DCDC1: variants seen among roughly 807,000 people sequenced by gnomAD.
DCDC1 encodes doublecortin domain containing 1, also known as doublecortin domain-containing protein 1.
In DCDC1, 200 loss-of-function variants were observed where a neutral mutation model predicts 178.3. That is an observed-to-expected ratio of 1.12 (90% CI 1.00 to 1.26). DCDC1 has a LOEUF of 1.26. Ranked by LOEUF, DCDC1 falls within the 50% of genes most tolerant of loss-of-function variation. The pLI, the probability that DCDC1 is intolerant of heterozygous loss-of-function variation, is 0.00. For missense variants in DCDC1, 1,983 were observed against 1,749.2 expected (o/e 1.13, Z -2.38); for synonymous variants, 690 against 604.8 (o/e 1.14, Z -2.07).
intron 21 of DCDC1, among the ~76,000 whole-genome samples, chr11:30,950,983 A>G (rs1374986562): frequency 6.6e-6 from 1 of 152,146 alleles, no homozygotes; most frequent in Non-Finnish European, 1.5e-5. Context: ...CTCATAAATT[A>G]TGTATAAATA....
At position 30,978,464 on chromosome 11, in the gene DCDC1, A is replaced by T. The variant is rs1025063739; in HGVS notation, c.2592-25896T>A. Reference sequence around the variant, plus strand: ...TGAAGTAAAGTTTCTCTTTTTATTGATATGTAATATTTGTACATCTTTTTT... The same window carrying T: ...TGAAGTAAAGTTTCTCTTTTTATTGTTATGTAATATTTGTACATCTTTTTT... On this transcript the variant is annotated intron_variant, in intron 20 of 38. Transcript: ENST00000684477. 4.6e-5 allele frequency among the ~76,000 whole-genome samples: 7 copies of T among 152,160 alleles called. No individual in the cohort carries two copies. In the South Asian group the frequency reaches 1.2e-3, roughly 27 times the overall value.
At chr11:31,332,797 C>G (rs1565622428) in intron 2 of DCDC1, among the ~76,000 whole-genome samples, 1 of 152,128 alleles carries the variant, frequency 6.6e-6, no homozygotes, top group Non-Finnish European at 1.5e-5. Flanking sequence ...CTTTTAACTT[C>G]CAACTATGTG....
chr11:31,022,392 C>A (rs1407259), intron 20 of DCDC1, among the ~76,000 whole-genome samples: 43,298 of 151,914 alleles, frequency 0.29, 7,300 homozygotes, highest in Non-Finnish European at 0.37. Flanking sequence ...GGACACCAGT[C>A]GTATTGGATG....
intron 20 of DCDC1, among the ~76,000 whole-genome samples, chr11:30,965,805 A>T (rs56130037): frequency 2.9e-4 from 38 of 132,448 alleles, no homozygotes; most frequent in African/African-American, 1.0e-3. Context: ...CCTGTGTCCA[A>T]GTGATCTCAC....
chr11:31,058,057 G>A (rs1451341342), intron 20 of DCDC1, among the ~76,000 whole-genome samples: 2 of 152,114 alleles, frequency 1.3e-5, no homozygotes, highest in South Asian at 2.1e-4. Context: ...ATAAAATAGT[G>A]TTTAGAACAT....
At chr11:31,313,801 G>GACAAAA (rs1381712190) in intron 3 of DCDC1, among the ~76,000 whole-genome samples, 2 of 151,958 alleles carry the variant, frequency 1.3e-5, no homozygotes, top group Non-Finnish European at 2.9e-5. Context: ...TTTGTCCAAA[G>GACAAAA]ACAAAAACAA....
chr11:30,942,757 C>T (rs546814774), intron 21 of DCDC1, among the ~76,000 whole-genome samples: 93 of 152,330 alleles, frequency 6.1e-4, no homozygotes, highest in African/African-American at 2.0e-3. Context: ...CTTTGGATGG[C>T]TTCTTTTACT....
chr11:30,970,827 C>A (rs1949735303), intron 20 of DCDC1, among the ~76,000 whole-genome samples: 1 of 152,218 alleles, frequency 6.6e-6, no homozygotes, highest in Admixed American at 6.5e-5. Flanking sequence ...CCACAGCCAG[C>A]ATCTGCATGC....
At chr11:30,984,734 A>G (rs1424903100) in intron 20 of DCDC1, among the ~76,000 whole-genome samples, 1 of 152,196 alleles carries the variant, frequency 6.6e-6, no homozygotes, top group Non-Finnish European at 1.5e-5. Flanking sequence ...CTGTTTTTTG[A>G]AAGTCCAGGA....
chr11:31,240,652 C>A (rs1173116056), intron 9 of DCDC1, among the ~76,000 whole-genome samples: 1 of 151,926 alleles, frequency 6.6e-6, no homozygotes, highest in African/African-American at 2.4e-5. Flanking sequence ...TAAACTGGAA[C>A]CTCCCAGTTC....
intron 20 of DCDC1, among the ~76,000 whole-genome samples, chr11:31,043,130 A>G (rs1054874183): frequency 1.3e-5 from 2 of 152,208 alleles, no homozygotes; most frequent in African/African-American, 4.8e-5. Flanking sequence ...ACCGTAGCAC[A>G]ATGGCAAGTA....
intron 20 of DCDC1, among the ~76,000 whole-genome samples, chr11:31,023,484 A>T (rs1953023506): frequency 6.6e-6 from 1 of 152,080 alleles, no homozygotes; most frequent in South Asian, 2.1e-4. Flanking sequence ...GAAAAGTAAA[A>T]ACAGAGGGAA....
At chr11:30,956,188 T>C (rs376171478) in intron 20 of DCDC1, among the ~76,000 whole-genome samples, 11 of 152,308 alleles carry the variant, frequency 7.2e-5, no homozygotes, top group Admixed American at 2.0e-4. Context: ...AGCCAAAGTA[T>C]ATTTTACAAA....
intron 21 of DCDC1, 51 bp from the exon 22 acceptor site, chr11:30,932,003 T>A: frequency 6.7e-7 from 1 of 1,485,082 alleles, no homozygotes; most frequent in Non-Finnish European, 8.9e-7. Flanking sequence ...AGAAGGGTCA[T>A]GTCTAGATTT....
In DCDC1 at chr11:30,903,468, A is replaced by G; in HGVS notation, c.4510+14T>C. The G allele has an allele frequency of 6.3e-6, 10 of 1,575,890 alleles. No homozygotes were observed. The highest frequency in any genetic ancestry group is 8.6e-6 in the Non-Finnish European group (10 of 1,159,260). On this transcript the variant is annotated intron_variant, in intron 32 of 38. Transcript: ENST00000684477. ...ATAAGTAGAATCAGCTAAATGCTGT[A>G]GATTGTAGCCAACCTTCCATACTTT...
At chr11:31,147,217 C>T (rs138629426) in intron 9 of DCDC1, among the ~76,000 whole-genome samples, 74 of 152,220 alleles carry the variant, frequency 4.9e-4, no homozygotes, top group Non-Finnish European at 7.8e-4. Flanking sequence ...TGTGTTGTTT[C>T]TTTCTTATTC....
intron 9 of DCDC1, among the ~76,000 whole-genome samples, chr11:31,212,008 A>G (rs1972592477): frequency 6.6e-6 from 1 of 150,874 alleles, no homozygotes; most frequent in African/African-American, 2.4e-5. Context: ...GCATGAATCC[A>G]GGAGGCGGAG....
intron 20 of DCDC1, among the ~76,000 whole-genome samples, chr11:31,058,344 T>G (rs1328173511): frequency 6.6e-6 from 1 of 152,174 alleles, no homozygotes. Flanking sequence ...GTACCCACCA[T>G]GTACCGGGTA....
At chr11:31,292,015 T>C (rs780519835) in intron 6 of DCDC1, among the ~76,000 whole-genome samples, 1 of 151,912 alleles carries the variant, frequency 6.6e-6, no homozygotes, top group African/African-American at 2.4e-5. Context: ...AATCCTCTAT[T>C]CTTACCCCCC....
Sources: gnomAD v4.1 joint callset for allele counts (sites outside exome capture counted in the v4.1 genomes callset) on GRCh38, gnomAD v4.1.1 for gene constraint, MANE v1.5 for transcripts, NCBI Gene and HGNC (gene_info 2026-07-23, HGNC 2026-07-21) for gene names.